KIAA0232: variants seen among roughly 807,000 people sequenced by gnomAD.
KIAA0232 encodes uncharacterized protein KIAA0232.
Under a neutral mutation model 122.0 loss-of-function variants are expected in KIAA0232, and 27 were observed. The observed-to-expected ratio is 0.22, with a 90% CI of 0.16 to 0.31. The LOEUF (loss-of-function observed/expected upper bound fraction) is 0.31, where lower values mean the gene tolerates loss of function less well. Among genes scored for constraint, KIAA0232 ranks in the 10% least tolerant of loss-of-function variants. The probability of loss-of-function intolerance (pLI) is 1.00; values close to 1 mark genes in which losing one functional copy is unlikely to be tolerated. For missense variants in KIAA0232, 1,551 were observed against 1,634.2 expected, an observed-to-expected ratio of 0.95 and a Z score of 0.88; for synonymous variants, 613 against 587.6, an observed-to-expected ratio of 1.04 and a Z score of -0.63.
At chr4:6,821,207 A>C (rs1421999292) in intron 2 of KIAA0232, among the ~76,000 whole-genome samples, 1 of 152,200 alleles carries the variant, frequency 6.6e-6, no homozygotes, top group Non-Finnish European at 1.5e-5. Flanking sequence ...GAAAGTTTTT[A>C]ATTTTTTGCT....
chr4:6,822,789 T>C (rs1009609459), intron 2 of KIAA0232, among the ~76,000 whole-genome samples: 12 of 151,596 alleles, frequency 7.9e-5, no homozygotes, highest in Non-Finnish European at 1.3e-4. Flanking sequence ...TAATTTATTA[T>C]TATTATACTT....
At chr4:6,789,217 C>T (rs139932092) in intron 1 of KIAA0232, among the ~76,000 whole-genome samples, 21,582 of 151,456 alleles carry the variant, frequency 0.14, 2,027 homozygotes, top group East Asian at 0.27. Context: ...GTGGTCTGCC[C>T]GCTTTGGCCT....
rs781178164 is a variant in KIAA0232, at chr4:6,862,203, A to C, written c.1821A>C (p.Gly607=). Residue 607 remains glycine (G), a synonymous_variant, in exon 7 of 10, where the codon GGA becomes GGC. Transcript: ENST00000307659. ...SSGDADGESF[G]GDSPVRLSPI... ...GTGATGCTGATGGGGAGAGTTTTGG[A>C]GGAGACTCTCCAGTTAGACTCTCTC... is the stretch of plus-strand genomic sequence containing the variant. 3 of 1,614,044 alleles carry C rather than the reference A, an allele frequency of 1.9e-6. No individual in the cohort carries two copies. Among genetic ancestry groups the C allele is most frequent in the Middle Eastern group, 3.3e-4 (2 of 6,062 alleles).
intron 2 of KIAA0232, among the ~76,000 whole-genome samples, chr4:6,818,971 C>T (rs1217092917): frequency 6.6e-6 from 1 of 152,034 alleles, no homozygotes; most frequent in East Asian, 1.9e-4. Flanking sequence ...AAATAAGCAA[C>T]AGGAAAAGGA....
chr4:6,788,382 C>G (rs1488405167), intron 1 of KIAA0232, among the ~76,000 whole-genome samples: 1 of 152,236 alleles, frequency 6.6e-6, no homozygotes, highest in Non-Finnish European at 1.5e-5. Flanking sequence ...TATTGGCAGA[C>G]TACTCTGAAA....
chr4:6,799,487 C>T (rs554025553), intron 1 of KIAA0232, among the ~76,000 whole-genome samples: 1 of 151,864 alleles, frequency 6.6e-6, no homozygotes, highest in South Asian at 2.1e-4. Context: ...CATCTCTTTA[C>T]ATTAAAGCTA....
chr4:6,857,660 C>T (rs1720633112), intron 5 of KIAA0232, among the ~76,000 whole-genome samples: 1 of 152,194 alleles, frequency 6.6e-6, no homozygotes, highest in African/African-American at 2.4e-5. Flanking sequence ...GATGTTAAGA[C>T]ATGAATTACT....
intron 4 of KIAA0232, among the ~76,000 whole-genome samples, chr4:6,844,421 ATTTCTT>A (rs902761090): frequency 3.0e-4 from 45 of 151,050 alleles, no homozygotes; most frequent in African/African-American, 1.0e-3. Flanking sequence ...TAACTTCTTA[ATTTCTT>A]TTTCTTTTTC....
In KIAA0232 at chr4:6,883,212, A is replaced by G. The variant is rs1722167454; in HGVS notation, c.*2246A>G. 6.6e-6 allele frequency: 1 copy of G among 152,652 alleles called. No homozygotes were observed. Among genetic ancestry groups the G allele is most frequent in the South Asian group, 2.1e-4 (1 of 4,834 alleles). The allele number at this position is 152,652 out of a possible 1,614,324, so 9.5% of individuals were successfully genotyped here. ...TGAAACGCACTGTGGTATGAAGCGCATTGCATTTCCATAGCACTGAAGTAC... is the reference window on the plus strand; with the variant it reads ...TGAAACGCACTGTGGTATGAAGCGCGTTGCATTTCCATAGCACTGAAGTAC... On this transcript the variant is annotated 3_prime_UTR_variant, in exon 10 of 10. Coordinates refer to ENST00000307659, the MANE Select transcript of KIAA0232 (RefSeq NM_014743.3).
At chr4:6,840,219 G>A (rs1282907831) in intron 3 of KIAA0232, among the ~76,000 whole-genome samples, 1 of 152,122 alleles carries the variant, frequency 6.6e-6, no homozygotes, top group Non-Finnish European at 1.5e-5. Flanking sequence ...GTGACAATGA[G>A]CATGCTTCTG....
intron 3 of KIAA0232, among the ~76,000 whole-genome samples, chr4:6,829,296 A>G (rs1381949131): frequency 6.6e-6 from 1 of 152,158 alleles, no homozygotes; most frequent in East Asian, 1.9e-4. Context: ...TTGGTTTATC[A>G]TGGTTCAGAT....
At chr4:6,842,879 G>A (rs556211734) in intron 4 of KIAA0232, among the ~76,000 whole-genome samples, 2 of 152,098 alleles carry the variant, frequency 1.3e-5, no homozygotes, top group Non-Finnish European at 2.9e-5. Context: ...ATGAGCCATC[G>A]CGCCCGGCCC....
chr4:6,794,088 A>T (rs1717024384), intron 1 of KIAA0232, among the ~76,000 whole-genome samples: 1 of 152,216 alleles, frequency 6.6e-6, no homozygotes, highest in African/African-American at 2.4e-5. Flanking sequence ...GTAAGGCGAG[A>T]GGAAGCAGGA....
At chr4:6,807,540 A>G (rs1046731243) in intron 2 of KIAA0232, among the ~76,000 whole-genome samples, 6 of 152,178 alleles carry the variant, frequency 3.9e-5, no homozygotes, top group African/African-American at 1.2e-4. Context: ...CACTTCTAGA[A>G]TGGGGAAGAA....
At chr4:6,832,640 C>T (rs62289446) in intron 3 of KIAA0232, among the ~76,000 whole-genome samples, 5,573 of 152,246 alleles carry the variant, frequency 0.037, 157 homozygotes, top group Non-Finnish European at 0.045. Context: ...TGAACCACCA[C>T]GCCCAGCCAG....
rs759945064 is a variant in KIAA0232 at position 6,861,960 on chromosome 4, A to C, written c.1578A>C (p.Thr526=). 2 of 1,614,152 alleles carry C rather than the reference A, an allele frequency of 1.2e-6. No homozygotes were observed. Among genetic ancestry groups the C allele is most frequent in the East Asian group, 2.2e-5 (1 of 44,880 alleles). The stretch of plus-strand genomic sequence containing the variant: ...TGTTGGATCCTGGTGCCTCAGAAAC[A>C]ATGCAAGGAGAAAGTCGGATTTTGA... ...QSMLDPGASE[T]MQGESRILNM... The change falls in exon 7 of 10, where the codon ACA becomes ACC. Residue 526 remains threonine, a synonymous_variant. Transcript: ENST00000307659.
intron 3 of KIAA0232, among the ~76,000 whole-genome samples, chr4:6,838,986 A>G (rs1719497862): frequency 6.6e-6 from 1 of 152,150 alleles, no homozygotes; most frequent in Non-Finnish European, 1.5e-5. Context: ...GAAATTAGCC[A>G]GGTGTGGTGG....
In KIAA0232 at chr4:6,857,743, T is replaced by C. The variant is rs535956658; in HGVS notation, c.436+513T>C. Among the ~76,000 whole-genome samples, 12 of 152,358 alleles carry C rather than the reference T, an allele frequency of 7.9e-5. No individual in the cohort carries two copies. In the South Asian group the frequency reaches 2.3e-3, roughly 29 times the overall value. On this transcript the variant is annotated intron_variant, in intron 5 of 9. Coordinates refer to ENST00000307659, the MANE Select transcript of KIAA0232 (RefSeq NM_014743.3). ...CAGACTTGGCAAGCTTATTTAGTTA[T>C]TTCGATATATGAATCCTCCTCATAC... is the stretch of plus-strand genomic sequence containing the variant.
intron 7 of KIAA0232, 107 bp downstream of exon 7, chr4:6,864,290 C>A: frequency 8.4e-7 from 1 of 1,195,674 alleles, no homozygotes; most frequent in Non-Finnish European, 1.2e-6. Flanking sequence ...GGGAAATTAG[C>A]TTAAATGTCT....
Sources: allele counts gnomAD v4.1 joint callset (sites outside exome capture counted in the v4.1 genomes callset), GRCh38; gene constraint gnomAD v4.1.1; transcripts MANE v1.5; gene names NCBI Gene and HGNC (gene_info 2026-07-23, HGNC 2026-07-21).